The following LRRTM4 variants were observed in gnomAD, a reference collection of about 807,000 sequenced individuals.
The protein encoded by LRRTM4 is leucine-rich repeat transmembrane neuronal protein 4.
LRRTM4 carries 25 observed loss-of-function variants against 47.6 expected under a neutral mutation model. The ratio of observed to expected loss-of-function variants is 0.53; its 90% CI spans 0.38 to 0.73. The LOEUF is 0.73. Ranked by LOEUF, LRRTM4 falls within the 30% of genes least tolerant of loss-of-function variation. LRRTM4 has a pLI of 0.00. For missense variants in LRRTM4, 638 were observed against 713.4 expected (o/e 0.89, Z 1.20); for synonymous variants, 311 against 269.5 (o/e 1.15, Z -1.51).
intron 3 of LRRTM4, among the ~76,000 whole-genome samples, chr2:76,771,332 C>G (rs1036198486): frequency 2.0e-5 from 3 of 152,138 alleles, no homozygotes; most frequent in Non-Finnish European, 4.4e-5. Context: ...AGATTTAATG[C>G]AGCAGGAATG....
intron 3 of LRRTM4, among the ~76,000 whole-genome samples, chr2:77,390,816 A>G (rs1169293336): frequency 2.0e-5 from 3 of 151,924 alleles, no homozygotes; most frequent in Middle Eastern, 3.4e-3. Flanking sequence ...AACATTTTTG[A>G]TGAAAATATA....
At chr2:76,791,344 C>A (rs1674959143) in intron 3 of LRRTM4, among the ~76,000 whole-genome samples, 1 of 151,486 alleles carries the variant, frequency 6.6e-6, no homozygotes, top group South Asian at 2.1e-4. Context: ...TCCAACATTC[C>A]CATGTAGATT....
chr2:77,269,901 C>A (rs1372214304), intron 3 of LRRTM4, among the ~76,000 whole-genome samples: 1 of 152,216 alleles, frequency 6.6e-6, no homozygotes, highest in African/African-American at 2.4e-5. Context: ...TGGTTCCTCA[C>A]ATTCTGAATT....
At chr2:76,810,800 A>G (rs530803934) in intron 3 of LRRTM4, among the ~76,000 whole-genome samples, 2 of 152,316 alleles carry the variant, frequency 1.3e-5, no homozygotes, top group Admixed American at 6.5e-5. Flanking sequence ...CAATAAAAGC[A>G]TGGAGATTAC....
chr2:77,506,618 C>T (rs1678785521), intron 3 of LRRTM4, among the ~76,000 whole-genome samples: 1 of 151,808 alleles, frequency 6.6e-6, no homozygotes, highest in African/African-American at 2.4e-5. Flanking sequence ...GGAACTCTTA[C>T]ACAATGCATG....
At chr2:76,901,258 G>A (rs929984884) in intron 3 of LRRTM4, among the ~76,000 whole-genome samples, 1 of 151,996 alleles carries the variant, frequency 6.6e-6, no homozygotes, top group African/African-American at 2.4e-5. Context: ...GTGTCCATGT[G>A]ATCTCCTTGT....
At chr2:76,950,165 G>T in intron 3 of LRRTM4, among the ~76,000 whole-genome samples, 1 of 151,906 alleles carries the variant, frequency 6.6e-6, no homozygotes, top group Non-Finnish European at 1.5e-5. Flanking sequence ...GCATTTCACT[G>T]GGAACTCAGT....
At chr2:77,176,949 C>T (rs913835404) in intron 3 of LRRTM4, among the ~76,000 whole-genome samples, 1 of 152,152 alleles carries the variant, frequency 6.6e-6, no homozygotes, top group African/African-American at 2.4e-5. Flanking sequence ...AATAAAGAAA[C>T]TCCCACCAGT....
chr2:76,787,575 A>AT (rs936980973), intron 3 of LRRTM4, among the ~76,000 whole-genome samples: 3,357 of 147,024 alleles, frequency 0.023, 129 homozygotes, highest in African/African-American at 0.077. Flanking sequence ...AGTTAGGAAA[A>AT]TTTTTTTTTT....
chr2:76,954,593 A>G (rs537553846), intron 3 of LRRTM4, among the ~76,000 whole-genome samples: 1 of 151,936 alleles, frequency 6.6e-6, no homozygotes, highest in African/African-American at 2.4e-5. Flanking sequence ...CCAGACGAAG[A>G]AGAAGAGAGA....
intron 3 of LRRTM4, among the ~76,000 whole-genome samples, chr2:76,834,476 TTAAG>T (rs1193491693): frequency 2.0e-5 from 3 of 152,058 alleles, no homozygotes; most frequent in Non-Finnish European, 1.5e-5. Context: ...GTATTTGTAA[TTAAG>T]TATGTTTAAG....
At chr2:77,232,953 G>T (rs542695319) in intron 3 of LRRTM4, among the ~76,000 whole-genome samples, 2 of 152,128 alleles carry the variant, frequency 1.3e-5, no homozygotes, top group East Asian at 3.9e-4. Flanking sequence ...TAGAAAATGT[G>T]GCAAAACTAT....
At chr2:77,502,517 A>C (rs1247860435) in intron 3 of LRRTM4, among the ~76,000 whole-genome samples, 1 of 151,672 alleles carries the variant, frequency 6.6e-6, no homozygotes, top group Non-Finnish European at 1.5e-5. Flanking sequence ...ATATGTAATT[A>C]TCTTTAAAAG....
At chr2:76,936,585 T>TAA (rs869085850) in intron 3 of LRRTM4, among the ~76,000 whole-genome samples, 34 of 96,954 alleles carry the variant, frequency 3.5e-4, no homozygotes, top group South Asian at 2.1e-3. Flanking sequence ...TAAAGTATAA[T>TAA]AAAAAAAAAA....
chr2:77,147,018 T>A (rs1672277838), intron 3 of LRRTM4, among the ~76,000 whole-genome samples: 1 of 152,154 alleles, frequency 6.6e-6, no homozygotes, highest in Admixed American at 6.5e-5. Flanking sequence ...AATAATAAAA[T>A]TTTTCATTTT....
chr2:77,167,851 AATG>A (rs1299300322), intron 3 of LRRTM4, among the ~76,000 whole-genome samples: 2 of 152,104 alleles, frequency 1.3e-5, no homozygotes, highest in African/African-American at 4.8e-5. Context: ...ACCTAATGTA[AATG>A]ACAAGTTAAT....
intron 3 of LRRTM4, among the ~76,000 whole-genome samples, chr2:77,342,471 A>T (rs1671407840): frequency 6.6e-6 from 1 of 151,946 alleles, no homozygotes; most frequent in Admixed American, 6.6e-5. Context: ...CTGTAGTGTA[A>T]AGAGCAACAG....
intron 3 of LRRTM4, among the ~76,000 whole-genome samples, chr2:76,954,318 A>G (rs1003358348): frequency 1.3e-5 from 2 of 151,952 alleles, no homozygotes; most frequent in East Asian, 3.9e-4. Flanking sequence ...AAAACAATGC[A>G]TGAACAAAAC....
intron 3 of LRRTM4, among the ~76,000 whole-genome samples, chr2:76,985,781 T>C (rs913587844): frequency 5.9e-5 from 9 of 151,994 alleles, no homozygotes; most frequent in African/African-American, 1.9e-4. Flanking sequence ...TATATTATAG[T>C]GGCTCTGTTA....
Sources: gnomAD v4.1 joint callset for allele counts (sites outside exome capture counted in the v4.1 genomes callset) on GRCh38, gnomAD v4.1.1 for gene constraint, MANE v1.5 for transcripts, NCBI Gene and HGNC (gene_info 2026-07-23, HGNC 2026-07-21) for gene names.